The following KIAA0232 variants were observed in gnomAD, a reference collection of about 807,000 sequenced individuals.
The protein encoded by KIAA0232 is uncharacterized protein KIAA0232.
In KIAA0232, 27 loss-of-function variants were observed where a neutral mutation model predicts 122.0. The ratio of observed to expected loss-of-function variants is 0.22; its 90% CI spans 0.16 to 0.31. The LOEUF (loss-of-function observed/expected upper bound fraction) is 0.31. Ranked by LOEUF, KIAA0232 falls within the 10% of genes least tolerant of loss-of-function variation. The pLI, the probability that KIAA0232 is intolerant of heterozygous loss-of-function variation, is 1.00. For missense variants in KIAA0232, 1,551 were observed against 1,634.2 expected (o/e 0.95, Z 0.88); for synonymous variants, 613 against 587.6 (o/e 1.04, Z -0.63).
chr4:6,820,083 C>T (rs1718349354), intron 2 of KIAA0232, among the ~76,000 whole-genome samples: 1 of 152,098 alleles, frequency 6.6e-6, no homozygotes, highest in African/African-American at 2.4e-5. Flanking sequence ...CAGCACTAAA[C>T]ACTGAAGACT....
intron 1 of KIAA0232, among the ~76,000 whole-genome samples, chr4:6,791,430 T>C (rs564902440): frequency 6.8e-6 from 1 of 146,546 alleles, no homozygotes; most frequent in African/African-American, 2.6e-5. Flanking sequence ...CCAGGCTCAA[T>C]TGATCCTCCC....
At chr4:6,814,035 A>G (rs1465853470) in intron 2 of KIAA0232, among the ~76,000 whole-genome samples, 1 of 152,090 alleles carries the variant, frequency 6.6e-6, no homozygotes, top group Admixed American at 6.5e-5. Flanking sequence ...GCTATTTTTA[A>G]TCCTAAGGTC....
rs115635168 is a variant in KIAA0232, at chr4:6,858,399, C to A, written c.437-26C>A. ...TTTATTAACTAGATATAAGACAAAT[C>A]TTTCTTAATTTTTGTTTCATAACAG... On this transcript the variant is annotated intron_variant, in intron 5 of 9. Coordinates refer to ENST00000307659, the MANE Select transcript of KIAA0232 (RefSeq NM_014743.3). 12,582 of 1,407,876 alleles carry A rather than the reference C, an allele frequency of 8.9e-3. 73 individuals carry two copies. Among genetic ancestry groups the A allele is most frequent in the Non-Finnish European group, 0.01 (10,569 of 1,014,058 alleles). 87.2% of individuals were successfully genotyped at this position (1,407,876 alleles called of 1,614,324 possible). A position where few individuals can be genotyped will look rare whatever the true frequency, so the allele number is the denominator to read the frequency against.
intron 3 of KIAA0232, among the ~76,000 whole-genome samples, chr4:6,838,746 T>A (rs962321921): frequency 5.9e-4 from 89 of 151,914 alleles, no homozygotes; most frequent in African/African-American, 1.9e-3. Flanking sequence ...TTTTTTTTTT[T>A]TTTGAGACAA....
chr4:6,857,259 TGCCAGGA>T, intron 5 of KIAA0232, 29 bp downstream of exon 5: 1 of 1,579,844 alleles, frequency 6.3e-7, no homozygotes, highest in Non-Finnish European at 8.6e-7. Context: ...TGCGCACACA[TGCCAGGA>T]TTACATCCCT....
chr4:6,789,291 C>G (rs558629941), intron 1 of KIAA0232, among the ~76,000 whole-genome samples: 5 of 138,510 alleles, frequency 3.6e-5, no homozygotes. Context: ...TTTTTTTTCC[C>G]GAGACTGAGT....
At chr4:6,858,284 T>C in intron 5 of KIAA0232, 141 bp from the exon 6 acceptor site, 3 of 564,608 alleles carry the variant, frequency 5.3e-6, no homozygotes, top group Non-Finnish European at 9.5e-6. Flanking sequence ...TAGATTTTTA[T>C]TAAAAAGATC....
At chr4:6,788,096 C>T (rs1005774532) in intron 1 of KIAA0232, among the ~76,000 whole-genome samples, 3 of 152,092 alleles carry the variant, frequency 2.0e-5, no homozygotes, top group East Asian at 1.9e-4. Flanking sequence ...TGGAGTGCAG[C>T]GGTGCCATCT....
Position 6,871,696 on chromosome 4 carries a change from T to C in KIAA0232, c.3910+14T>C. 1.4e-6 allele frequency: 2 copies of C among 1,420,720 alleles called. No homozygotes were observed. The highest frequency in any genetic ancestry group is 1.8e-4 in the Middle Eastern group (1 of 5,590). The allele number at this position is 1,420,720 out of a possible 1,614,324, so 88.0% of individuals were successfully genotyped here. ...CAGAGTGTGAAGGTAAGGAGACCTT[T>C]GTTAGTTCATTTATTCATTGCAATT... On this transcript the variant is annotated intron_variant, in intron 8 of 9. Transcript: ENST00000307659.
intron 4 of KIAA0232, among the ~76,000 whole-genome samples, chr4:6,849,583 T>C (rs1720162233): frequency 6.6e-6 from 1 of 152,162 alleles, no homozygotes; most frequent in Non-Finnish European, 1.5e-5. Context: ...GCCACTGCAC[T>C]GCAGCCTGGG....
chr4:6,811,938 A>G (rs992785033), intron 2 of KIAA0232, among the ~76,000 whole-genome samples: 2 of 151,824 alleles, frequency 1.3e-5, no homozygotes, highest in Non-Finnish European at 2.9e-5. Flanking sequence ...TTGTTATTCC[A>G]TACAGTCTGA....
rs1320555607 is a variant in KIAA0232, at chr4:6,824,324, A to T, written c.-130A>T. On this transcript the variant is annotated 5_prime_UTR_variant, in exon 3 of 10. Coordinates refer to ENST00000307659, the MANE Select transcript of KIAA0232 (RefSeq NM_014743.3). ...CTGTTTTAGGTGGCTGACTACCAGC[A>T]AAAATAAATGCTTATCCTACATGTC... 1.3e-6 allele frequency: 1 copy of T among 790,234 alleles called. No individual in the cohort carries two copies. The highest frequency in any genetic ancestry group is 1.7e-5 in the African/African-American group (1 of 58,690). 49.0% of individuals were successfully genotyped at this position (790,234 alleles called of 1,614,324 possible).
chr4:6,875,661 T>A (rs1424730697), intron 8 of KIAA0232, among the ~76,000 whole-genome samples: 1 of 152,148 alleles, frequency 6.6e-6, no homozygotes, highest in Admixed American at 6.5e-5. Flanking sequence ...TCAAACTACC[T>A]TGTGGCAACT....
chr4:6,881,260 A>G lies in KIAA0232; in HGVS notation c.*294A>G, dbSNP rs1242347684. 2 of 237,510 alleles carry G rather than the reference A, an allele frequency of 8.4e-6. No homozygotes were observed. The highest frequency in any genetic ancestry group is 1.6e-5 in the Non-Finnish European group (2 of 124,008). The allele number at this position is 237,510 out of a possible 1,614,324, so 14.7% of individuals were successfully genotyped here. The stretch of plus-strand genomic sequence containing the variant: ...TCTTAGAAGTATCACTGCTTTTTGC[A>G]TCTTAACTGCAGTTAATTTTCCTTC... On this transcript the variant is annotated 3_prime_UTR_variant, in exon 10 of 10. Coordinates refer to ENST00000307659, the MANE Select transcript of KIAA0232 (RefSeq NM_014743.3).
chr4:6,857,252 G>T, intron 5 of KIAA0232, 22 bp downstream of exon 5: 1 of 1,597,240 alleles, frequency 6.3e-7, no homozygotes, highest in Non-Finnish European at 8.6e-7. Flanking sequence ...AGCACTGTGC[G>T]CACACATGCC....
At chr4:6,854,297 G>A (rs893166425) in intron 4 of KIAA0232, among the ~76,000 whole-genome samples, 2 of 152,128 alleles carry the variant, frequency 1.3e-5, no homozygotes, top group African/African-American at 4.8e-5. Flanking sequence ...CTTGGGTCCA[G>A]AAAGAGGAAG....
Position 6,858,458 on chromosome 4 carries a change from C to G in KIAA0232, c.470C>G (p.Pro157Arg). ...EKIHKKLEGS[P>R]SPEAELSPPA... The stretch of plus-strand genomic sequence containing the variant: ...ATTCACAAAAAGTTAGAGGGGTCTC[C>G]CTCTCCAGAGGCAGAATTATCCCCT... Residue 157 changes from proline to arginine, a missense_variant, in exon 6 of 10, where the codon CCC (proline) becomes CGC (arginine). By Grantham distance (103) the Pro-to-Arg change is moderately radical. Transcript: ENST00000307659. The G allele has an allele frequency of 6.2e-7, 1 of 1,606,836 alleles. No individual in the cohort carries two copies. The highest frequency in any genetic ancestry group is 8.5e-7 in the Non-Finnish European group (1 of 1,177,020).
At chr4:6,824,056 A>G (rs1309570280) in intron 2 of KIAA0232, 129 bp from the exon 3 acceptor site, 1 of 380,064 alleles carries the variant, frequency 2.6e-6, no homozygotes, top group African/African-American at 2.1e-5. Flanking sequence ...GGGGGGAAAA[A>G]TCAGTGTTCT....
At position 6,862,133 on chromosome 4, in the gene KIAA0232, T is replaced by G; in HGVS notation, c.1751T>G (p.Leu584Arg). 1 of 1,614,150 alleles carries G rather than the reference T, an allele frequency of 6.2e-7. No homozygotes were observed. Among genetic ancestry groups the G allele is most frequent in the Non-Finnish European group, 8.5e-7 (1 of 1,180,014 alleles). ...GCTGAGGGCTTATTCCTGCAGGACC[T>G]TGGCAATCTGGCTCAGTTTTGGGAG... ...VGAEGLFLQD[L>R]GNLAQFWECC... is the part of the protein sequence containing the mutation. The change falls in exon 7 of 10, where the codon CTT becomes CGT. Residue 584 changes from leucine (L) to arginine (R), a missense_variant. Physicochemically the swap from Leu to Arg is moderately radical, Grantham distance 102. Transcript: ENST00000307659.
Sources: allele counts gnomAD v4.1 joint callset (sites outside exome capture counted in the v4.1 genomes callset), GRCh38; gene constraint gnomAD v4.1.1; transcripts MANE v1.5; gene names NCBI Gene and HGNC (gene_info 2026-07-23, HGNC 2026-07-21).